DLGAP1: variants seen among roughly 807,000 people sequenced by gnomAD.
DLGAP1 encodes DLG associated protein 1, also known as disks large-associated protein 1.
In DLGAP1, 11 loss-of-function variants were observed where a neutral mutation model predicts 90.8. That is an observed-to-expected ratio of 0.12 (90% CI 0.08 to 0.20). The LOEUF is 0.20. Ranked by LOEUF, DLGAP1 falls within the 10% of genes least tolerant of loss-of-function variation. DLGAP1 has a pLI of 1.00. For missense variants in DLGAP1, 1,050 were observed against 1,333.8 expected (o/e 0.79, Z 3.31); for synonymous variants, 558 against 540.7 (o/e 1.03, Z -0.44).
intron 7 of DLGAP1, chr18:3,655,433 T>C (rs938837164): frequency 1.3e-5 from 2 of 152,242 alleles, no homozygotes; most frequent in Non-Finnish European, 2.9e-5. Context: ...CAAAACACTT[T>C]GCTTGGACGT....
chr18:3,908,502 G>T (rs1038415766), intron 3 of DLGAP1, among the ~76,000 whole-genome samples: 8 of 152,206 alleles, frequency 5.3e-5, no homozygotes, highest in Admixed American at 2.0e-4. Flanking sequence ...CTGGGGTTTG[G>T]CCTGGTCATT....
chr18:3,940,635 A>C (rs2072748115), intron 3 of DLGAP1, among the ~76,000 whole-genome samples: 2 of 152,192 alleles, frequency 1.3e-5, no homozygotes, highest in Admixed American at 1.3e-4. Context: ...TTCAGGTAAA[A>C]TCAAGTCGTA....
intron 7 of DLGAP1, among the ~76,000 whole-genome samples, chr18:3,661,837 C>T (rs1020851348): frequency 2.6e-5 from 4 of 151,992 alleles, no homozygotes; most frequent in African/African-American, 9.7e-5. Context: ...TCATCTTGGC[C>T]TCCCAAAGTG....
chr18:3,654,359 C>A (rs1639355), intron 7 of DLGAP1, among the ~76,000 whole-genome samples: 52,605 of 152,066 alleles, frequency 0.35, 11,002 homozygotes, highest in African/African-American at 0.6. Context: ...GGGTGTAGAC[C>A]AGCCATGACA....
intron 1 of DLGAP1, among the ~76,000 whole-genome samples, chr18:4,179,462 T>C (rs1238940999): frequency 2.6e-5 from 4 of 152,188 alleles, no homozygotes; most frequent in Admixed American, 2.0e-4. Flanking sequence ...ATGATGCCTT[T>C]TGTTATTATT....
Position 3,497,958 on chromosome 18 carries a change from T to A in DLGAP1, c.*1227A>T, listed in dbSNP as rs2049749449. 6.6e-6 allele frequency: 1 copy of A among 152,260 alleles called. No individual in the cohort carries two copies. Among genetic ancestry groups the A allele is most frequent in the African/African-American group, 2.4e-5 (1 of 41,476 alleles). The allele number at this position is 152,260 out of a possible 1,614,324, so 9.4% of individuals were successfully genotyped here. On this transcript the variant is annotated 3_prime_UTR_variant, in exon 13 of 13. Coordinates refer to ENST00000315677, the MANE Select transcript of DLGAP1 (RefSeq NM_004746.4). ...CTTTTGAATGAGGCAGCATGTCTAT[T>A]GGGGCAAAAATTTATTTTAGCCATT...
intron 9 of DLGAP1, among the ~76,000 whole-genome samples, chr18:3,541,266 CAGAA>C (rs1342095962): frequency 1.3e-5 from 2 of 150,788 alleles, no homozygotes; most frequent in African/African-American, 4.9e-5. Flanking sequence ...GGAGGGATGG[CAGAA>C]AGAAAGAAGA....
intron 2 of DLGAP1, among the ~76,000 whole-genome samples, chr18:4,100,419 G>A (rs2075761429): frequency 6.6e-6 from 1 of 152,170 alleles, no homozygotes; most frequent in Non-Finnish European, 1.5e-5. Context: ...AAGCCATGTT[G>A]TAATCAGATA....
intron 1 of DLGAP1, among the ~76,000 whole-genome samples, chr18:4,368,636 T>TACACACAC (rs55840615): frequency 2.8e-4 from 38 of 135,032 alleles, no homozygotes; most frequent in Middle Eastern, 3.6e-3. Flanking sequence ...CTCTCTCTCA[T>TACACACAC]ACACACACAC....
At chr18:4,401,450 A>G (rs77767795) in intron 1 of DLGAP1, among the ~76,000 whole-genome samples, 11,832 of 152,072 alleles carry the variant, frequency 0.078, 537 homozygotes, top group Middle Eastern at 0.25. Flanking sequence ...ATGAGAAAGT[A>G]TTTTTTTTCC....
intron 3 of DLGAP1, among the ~76,000 whole-genome samples, chr18:3,915,172 T>C (rs535300331): frequency 5.9e-5 from 9 of 152,346 alleles, no homozygotes; most frequent in African/African-American, 1.7e-4. Context: ...TTTTGAGGCA[T>C]GTCTATTCAG....
chr18:3,614,394 CT>C (rs538297524), intron 7 of DLGAP1, among the ~76,000 whole-genome samples: 2 of 152,182 alleles, frequency 1.3e-5, no homozygotes, highest in South Asian at 4.1e-4. Context: ...GGAGAAAATG[CT>C]GTAAAAATTA....
At chr18:3,947,005 AT>A (rs1270466105) in intron 3 of DLGAP1, among the ~76,000 whole-genome samples, 1 of 152,140 alleles carries the variant, frequency 6.6e-6, no homozygotes, top group Non-Finnish European at 1.5e-5. Context: ...TCCTTGTTTT[AT>A]TCTTTGAATG....
intron 6 of DLGAP1, among the ~76,000 whole-genome samples, chr18:3,731,223 T>C (rs1409163344): frequency 6.6e-6 from 1 of 152,056 alleles, no homozygotes; most frequent in Admixed American, 6.6e-5. Flanking sequence ...TATTCATTTT[T>C]CCCCTTTTAA....
intron 7 of DLGAP1, among the ~76,000 whole-genome samples, chr18:3,692,320 CA>C (rs1268754850): frequency 6.6e-6 from 1 of 152,142 alleles, no homozygotes; most frequent in Non-Finnish European, 1.5e-5. Context: ...TTCCCCTCTA[CA>C]AACCATTAAT....
At position 3,756,670 on chromosome 18, in the gene DLGAP1, T is replaced by C. The variant is rs190640116; in HGVS notation, c.1173-14158A>G. 8.9e-4 allele frequency among the ~76,000 whole-genome samples: 136 copies of C among 152,070 alleles called. 3 individuals carry two copies. The highest frequency in any genetic ancestry group is 8.8e-3 in the Admixed American group (135 of 15,266). ...CAAAAGAAAAACGAATTAGTTGTTT[T>C]TGAACAAAAGTAGGCTCTTTAAAAA... On this transcript the variant is annotated intron_variant, in intron 5 of 12. Coordinates refer to ENST00000315677, the MANE Select transcript of DLGAP1 (RefSeq NM_004746.4).
chr18:3,601,073 T>TAG (rs1568280735), intron 7 of DLGAP1, among the ~76,000 whole-genome samples: 10 of 145,962 alleles, frequency 6.9e-5, no homozygotes, highest in African/African-American at 2.6e-4. Flanking sequence ...TATATAGATA[T>TAG]ATAGATAGAT....
chr18:3,742,445 C>G lies in DLGAP1; in HGVS notation c.1240G>C (p.Val414Leu). The G allele has an allele frequency of 6.2e-7, 1 of 1,614,174 alleles. No individual in the cohort carries two copies. Among genetic ancestry groups the G allele is most frequent in the Non-Finnish European group, 8.5e-7 (1 of 1,180,040 alleles). ...CTGTCCAGGCTCCGGTTGATGGAGA[C>G]TTCACTCACTGCCCTCAGGTAACTA... ...SHSYLRAVSE[V>L]SINRSLDSLD... The change falls in exon 6 of 13, where the codon GTC (valine) becomes CTC (leucine). Residue 414 changes from valine to leucine, a missense_variant. Val to Leu is a conservative substitution (Grantham distance 32, BLOSUM62 1). Around this residue, in one of 2 missense-constraint regions of DLGAP1, gnomAD observed 565 missense variants for 879.7 expected, o/e 0.64. Transcript: ENST00000315677.
chr18:4,363,675 T>C (rs1220527281), intron 1 of DLGAP1, among the ~76,000 whole-genome samples: 2 of 152,210 alleles, frequency 1.3e-5, no homozygotes, highest in Non-Finnish European at 2.9e-5. Flanking sequence ...TCACTGGTCA[T>C]CAGAGAAATG....
Sources: allele counts gnomAD v4.1 joint callset (sites outside exome capture counted in the v4.1 genomes callset), GRCh38; gene constraint gnomAD v4.1.1; regional missense constraint gnomAD v4.1.1; transcripts MANE v1.5; gene names NCBI Gene and HGNC (gene_info 2026-07-23, HGNC 2026-07-21).